Variants in GUCY1A2 observed in about 807,000 individuals in gnomAD.
The protein encoded by GUCY1A2 is guanylate cyclase 1 soluble subunit alpha 2.
Under a neutral mutation model 63.5 loss-of-function variants are expected in GUCY1A2, and 27 were observed. The ratio of observed to expected loss-of-function variants is 0.43; its 90% confidence interval spans 0.31 to 0.59. The LOEUF (loss-of-function observed/expected upper bound fraction) is 0.59. Among genes scored for constraint, GUCY1A2 ranks in the 20% least tolerant of loss-of-function variants. The pLI, the probability that GUCY1A2 is intolerant of heterozygous loss-of-function variation, is 0.11. For missense variants in GUCY1A2, 768 were observed against 913.3 expected, an observed-to-expected ratio of 0.84 and a Z score of 2.05; for synonymous variants, 364 against 343.5, an observed-to-expected ratio of 1.06 and a Z score of -0.66.
At chr11:106,877,594 A>T (rs925597290) in intron 4 of GUCY1A2, among the ~76,000 whole-genome samples, 1 of 152,020 alleles carries the variant, frequency 6.6e-6, no homozygotes. Context: ...CTGAAACTGG[A>T]CCCTTCCTTA....
intron 3 of GUCY1A2, among the ~76,000 whole-genome samples, chr11:106,970,883 G>C (rs1861184493): frequency 6.6e-6 from 1 of 151,866 alleles, no homozygotes; most frequent in Non-Finnish European, 1.5e-5. Context: ...TATTTTTCAG[G>C]GGGGTGGGGG....
rs1862381234 is a variant in GUCY1A2, at chr11:106,678,425, G to A, written c.*9124C>T. 4.7e-6 allele frequency: 1 copy of A among 212,092 alleles called. No individual in the cohort carries two copies. Among genetic ancestry groups the A allele is most frequent in the South Asian group, 1.9e-4 (1 of 5,354 alleles). The allele number at this position is 212,092 out of a possible 1,614,324, so 13.1% of individuals were successfully genotyped here. On this transcript the variant is annotated 3_prime_UTR_variant, in exon 8 of 8. Coordinates refer to ENST00000526355, the MANE Select transcript of GUCY1A2 (RefSeq NM_000855.3). ...TTTAATTTAAAAGGCCAAAAAAGGA[G>A]ACAGCCTTTCAAGTGGTTAGATACA...
intron 5 of GUCY1A2, among the ~76,000 whole-genome samples, chr11:106,784,920 A>G (rs961836453): frequency 1.3e-5 from 2 of 152,216 alleles, no homozygotes; most frequent in East Asian, 3.9e-4. Context: ...CTAACTTTCT[A>G]TGGGCATTAA....
At chr11:106,971,943 C>A (rs191674780) in intron 3 of GUCY1A2, among the ~76,000 whole-genome samples, 29 of 152,186 alleles carry the variant, frequency 1.9e-4, no homozygotes, top group Admixed American at 1.8e-3. Context: ...TCAAAACACA[C>A]TATGAACACA....
At chr11:106,831,309 G>A (rs946322895) in intron 4 of GUCY1A2, among the ~76,000 whole-genome samples, 1 of 152,154 alleles carries the variant, frequency 6.6e-6, no homozygotes, top group Non-Finnish European at 1.5e-5. Flanking sequence ...TGAACAACGT[G>A]TAAAAAACTC....
chr11:106,947,372 A>C (rs1860844940), intron 3 of GUCY1A2, among the ~76,000 whole-genome samples: 1 of 152,080 alleles, frequency 6.6e-6, no homozygotes, highest in Admixed American at 6.5e-5. Flanking sequence ...TGAAGATAAA[A>C]GAAAACCTTG....
chr11:106,763,288 T>C (rs993129985), intron 6 of GUCY1A2, among the ~76,000 whole-genome samples: 14 of 151,978 alleles, frequency 9.2e-5, no homozygotes, highest in African/African-American at 2.9e-4. Flanking sequence ...AAAATTGATG[T>C]CACTTTTAGG....
intron 4 of GUCY1A2, among the ~76,000 whole-genome samples, chr11:106,822,320 A>T (rs1041064829): frequency 1.1e-4 from 16 of 152,120 alleles, no homozygotes; most frequent in African/African-American, 3.6e-4. Flanking sequence ...CACAGAAGTA[A>T]AATTATGAAT....
chr11:106,942,583 T>C (rs1860765630), intron 3 of GUCY1A2, among the ~76,000 whole-genome samples: 1 of 152,222 alleles, frequency 6.6e-6, no homozygotes, highest in African/African-American at 2.4e-5. Context: ...TTCTAAACTT[T>C]GAAGAACTGT....
intron 4 of GUCY1A2, among the ~76,000 whole-genome samples, chr11:106,885,589 C>T (rs867270623): frequency 6.6e-6 from 1 of 152,158 alleles, no homozygotes; most frequent in Admixed American, 6.5e-5. Context: ...CCATTACTAA[C>T]CCTAAAGTAG....
chr11:106,861,791 A>G (rs928570365), intron 4 of GUCY1A2, among the ~76,000 whole-genome samples: 11 of 152,066 alleles, frequency 7.2e-5, no homozygotes, highest in Non-Finnish European at 1.5e-4. Context: ...ATTTAAAAAA[A>G]CACTTTTATC....
At chr11:106,870,005 G>A (rs987819951) in intron 4 of GUCY1A2, among the ~76,000 whole-genome samples, 1 of 148,890 alleles carries the variant, frequency 6.7e-6, no homozygotes, top group Non-Finnish European at 1.5e-5. Context: ...CTATCGCAAG[G>A]ACAAATACCA....
At chr11:106,755,088 G>T (rs773785779) in intron 6 of GUCY1A2, among the ~76,000 whole-genome samples, 1 of 152,264 alleles carries the variant, frequency 6.6e-6, no homozygotes, top group South Asian at 2.1e-4. Flanking sequence ...GAGAGTGTAT[G>T]TGTCCAGGAA....
At chr11:106,994,967 C>T (rs180873039) in intron 1 of GUCY1A2, among the ~76,000 whole-genome samples, 1 of 152,302 alleles carries the variant, frequency 6.6e-6, no homozygotes, top group African/African-American at 2.4e-5. Context: ...CTTCACTGGT[C>T]ACCATCACGG....
At chr11:106,900,587 T>C (rs987274498) in intron 4 of GUCY1A2, among the ~76,000 whole-genome samples, 6 of 152,254 alleles carry the variant, frequency 3.9e-5, no homozygotes, top group Admixed American at 6.5e-5. Flanking sequence ...GTGTTTCTAA[T>C]GATAAGCTTC....
intron 4 of GUCY1A2, among the ~76,000 whole-genome samples, chr11:106,814,062 G>A (rs1170689334): frequency 6.6e-6 from 1 of 152,064 alleles, no homozygotes; most frequent in Non-Finnish European, 1.5e-5. Flanking sequence ...TGAAGGTGAA[G>A]GAGAGAGAAG....
intron 5 of GUCY1A2, among the ~76,000 whole-genome samples, chr11:106,804,932 A>G (rs1422490838): frequency 6.6e-6 from 1 of 152,138 alleles, no homozygotes; most frequent in Non-Finnish European, 1.5e-5. Flanking sequence ...ATTCCCTGTG[A>G]GTGAGCCTGG....
intron 3 of GUCY1A2, among the ~76,000 whole-genome samples, chr11:106,974,148 C>T (rs1460858486): frequency 1.3e-5 from 2 of 151,968 alleles, no homozygotes; most frequent in Non-Finnish European, 2.9e-5. Context: ...CCAATTCATT[C>T]TAGTAAAATA....
rs112536079 is a variant in GUCY1A2 at position 106,924,785 on chromosome 11, G to A, written c.1206+14675C>T. ...TTTGGGAGGTCGAGGAGGGTGGATC[G>A]CTTGAGCCCAGAGGTTCAAGACCAG... On this transcript the variant is annotated intron_variant, in intron 4 of 7. Coordinates refer to ENST00000526355, the MANE Select transcript of GUCY1A2 (RefSeq NM_000855.3). Among the ~76,000 whole-genome samples, 132 of 152,004 alleles carry A rather than the reference G, an allele frequency of 8.7e-4. 1 individual carries two copies. The highest frequency in any genetic ancestry group is 3.1e-3 in the African/African-American group (128 of 41,472).
Sources: allele counts gnomAD v4.1 joint callset (sites outside exome capture counted in the v4.1 genomes callset), GRCh38; gene constraint gnomAD v4.1.1; transcripts MANE v1.5; gene names NCBI Gene and HGNC (gene_info 2026-07-23, HGNC 2026-07-21).